Variants in MSH3 observed in about 807,000 individuals in gnomAD.
MSH3 encodes the protein mutS homolog 3.
Under a neutral mutation model 123.3 loss-of-function variants are expected in MSH3, and 106 were observed. The observed-to-expected ratio is 0.86, with a 90% CI of 0.73 to 1.01. The LOEUF (loss-of-function observed/expected upper bound fraction) is 1.01, where lower values mean the gene tolerates loss of function less well. Among genes scored for constraint, MSH3 ranks in the 50% least tolerant of loss-of-function variants. The pLI is 0.00. For synonymous variants in MSH3, 515 were observed against 481.4 expected, an observed-to-expected ratio of 1.07 and a Z score of -0.91; for missense variants, 1,459 against 1,347.6, an observed-to-expected ratio of 1.08 and a Z score of -1.29.
chr5:80,774,845 G>T (rs933159995), intron 15 of MSH3, among the ~76,000 whole-genome samples: 1 of 151,920 alleles, frequency 6.6e-6, no homozygotes, highest in Non-Finnish European at 1.5e-5. Context: ...GGGATGAGGG[G>T]ATGGTTAATG....
At chr5:80,663,504 C>G (rs1279964551) in intron 2 of MSH3, among the ~76,000 whole-genome samples, 1 of 150,824 alleles carries the variant, frequency 6.6e-6, no homozygotes, top group African/African-American at 2.4e-5. Context: ...TTTTTTTTTC[C>G]CAGCAAATAC....
At chr5:80,822,162 A>G (rs557559336) in intron 20 of MSH3, among the ~76,000 whole-genome samples, 99 of 152,326 alleles carry the variant, frequency 6.5e-4, no homozygotes, top group Admixed American at 1.4e-3. Context: ...GTTCTCCAGC[A>G]TCCTGGCCAT....
chr5:80,872,317 AT>A (rs1746227473), intron 22 of MSH3, among the ~76,000 whole-genome samples: 1 of 151,938 alleles, frequency 6.6e-6, no homozygotes, highest in Non-Finnish European at 1.5e-5. Flanking sequence ...CAAAAAAAAA[AT>A]TAGCTAGGTG....
intron 20 of MSH3, among the ~76,000 whole-genome samples, chr5:80,834,904 A>G (rs1745482848): frequency 6.6e-6 from 1 of 152,120 alleles, no homozygotes; most frequent in African/African-American, 2.4e-5. Flanking sequence ...AGAACACCTA[A>G]TAAGTATTTG....
At chr5:80,873,030 G>C in intron 22 of MSH3, 86 bp from the exon 23 acceptor site, 1 of 1,186,900 alleles carries the variant, frequency 8.4e-7, no homozygotes, top group African/African-American at 1.5e-5. Flanking sequence ...ATTTAATAAA[G>C]TTATGAGAAC....
At chr5:80,805,213 T>C (rs1744865934) in intron 19 of MSH3, among the ~76,000 whole-genome samples, 2 of 152,344 alleles carry the variant, frequency 1.3e-5, no homozygotes, top group African/African-American at 4.8e-5. Context: ...AGTGTCTGGC[T>C]CTCAAAGTTG....
chr5:80,848,167 C>T (rs1480406099), intron 20 of MSH3, among the ~76,000 whole-genome samples: 1 of 152,212 alleles, frequency 6.6e-6, no homozygotes, highest in East Asian at 1.9e-4. Flanking sequence ...AAGGTTGAGG[C>T]TGCAGTGAGC....
rs532544936 is a variant in MSH3, at chr5:80,701,794, C to T, written c.1340+22701C>T. Reference sequence around the variant, plus strand: ...GAAGGGAGACTTCTTACTAATTTCTCTTATTTTCCCTGCTTGCTTGCTTTG... The same window carrying T: ...GAAGGGAGACTTCTTACTAATTTCTTTTATTTTCCCTGCTTGCTTGCTTTG... On this transcript the variant is annotated intron_variant, in intron 8 of 23. Transcript: ENST00000265081. Among the ~76,000 whole-genome samples, 6 of 152,224 alleles carry T rather than the reference C, an allele frequency of 3.9e-5. No individual in the cohort carries two copies. In the South Asian group the frequency reaches 1.2e-3, roughly 32 times the overall value.
Position 80,839,874 on chromosome 5 carries a change from C to G in MSH3, c.2814-14256C>G, listed in dbSNP as rs6151908. Among the ~76,000 whole-genome samples, 631 of 152,260 alleles carry G rather than the reference C, an allele frequency of 4.1e-3. 3 individuals carry two copies. Among genetic ancestry groups the G allele is most frequent in the Non-Finnish European group, 6.4e-3 (436 of 68,016 alleles). On this transcript the variant is annotated intron_variant, in intron 20 of 23. Coordinates refer to ENST00000265081, the MANE Select transcript of MSH3 (RefSeq NM_002439.5). Reference sequence around the variant, plus strand: ...AACTAGGAGGATTCCCATTTCCTCCCAACCCCCTGCTACCCTCCCCAGCCC... The same window carrying G: ...AACTAGGAGGATTCCCATTTCCTCCGAACCCCCTGCTACCCTCCCCAGCCC...
At chr5:80,798,801 T>C (rs1475603637) in intron 19 of MSH3, among the ~76,000 whole-genome samples, 1 of 152,200 alleles carries the variant, frequency 6.6e-6, no homozygotes, top group African/African-American at 2.4e-5. Flanking sequence ...CTGCCCAGAA[T>C]GGCCCTCCCC....
At chr5:80,679,148 C>G (rs946528251) in intron 8 of MSH3, 55 bp downstream of exon 8, 9 of 1,542,398 alleles carry the variant, frequency 5.8e-6, no homozygotes, top group Non-Finnish European at 7.2e-6. Flanking sequence ...AGGTTTAGTT[C>G]CAAAACTGAT....
chr5:80,680,898 T>G (rs968928539), intron 8 of MSH3, among the ~76,000 whole-genome samples: 1 of 152,158 alleles, frequency 6.6e-6, no homozygotes, highest in South Asian at 2.1e-4. Flanking sequence ...TATTCATTTT[T>G]CCAGTATTAT....
At chr5:80,863,117 C>A (rs1039904145) in intron 21 of MSH3, among the ~76,000 whole-genome samples, 10 of 152,208 alleles carry the variant, frequency 6.6e-5, no homozygotes, top group Non-Finnish European at 1.2e-4. Flanking sequence ...TTATGTAAAA[C>A]TGATATCACG....
chr5:80,663,605 G>A (rs1008283113), intron 2 of MSH3, among the ~76,000 whole-genome samples: 1 of 151,120 alleles, frequency 6.6e-6, no homozygotes, highest in African/African-American at 2.4e-5. Flanking sequence ...CACACTTATA[G>A]TATATTTTTG....
In MSH3 at chr5:80,656,548, T is replaced by G; in HGVS notation, c.358+17T>G. 2 of 1,613,908 alleles carry G rather than the reference T, an allele frequency of 1.2e-6. No individual in the cohort carries two copies. Among genetic ancestry groups the G allele is most frequent in the Non-Finnish European group, 1.7e-6 (2 of 1,179,882 alleles). On this transcript the variant is annotated intron_variant, in intron 2 of 23. Coordinates refer to ENST00000265081, the MANE Select transcript of MSH3 (RefSeq NM_002439.5). ...GCAACTCTGGTGAGTTGTGGGGGAT[T>G]CTTTTTTCTCCTCAGTCATGGCTCT...
intron 12 of MSH3, among the ~76,000 whole-genome samples, chr5:80,748,691 TACACACACACAC>T (rs36206914): frequency 0.32 from 46,598 of 147,230 alleles, 7,973 homozygotes; most frequent in South Asian, 0.44. Context: ...ATTTTTTATT[TACACACACACAC>T]ACACACACAC....
intron 9 of MSH3, among the ~76,000 whole-genome samples, chr5:80,725,824 G>A (rs367719120): frequency 6.6e-6 from 1 of 152,068 alleles, no homozygotes; most frequent in Non-Finnish European, 1.5e-5. Context: ...CAGTCCAGCC[G>A]GGGCAACAAA....
chr5:80,742,608 C>T (rs1743636978), intron 11 of MSH3, among the ~76,000 whole-genome samples: 1 of 152,174 alleles, frequency 6.6e-6, no homozygotes, highest in Admixed American at 6.5e-5. Flanking sequence ...ACTCCTGAAT[C>T]TGCATATTAT....
intron 13 of MSH3, among the ~76,000 whole-genome samples, chr5:80,765,391 G>A (rs566576525): frequency 6.6e-6 from 1 of 152,130 alleles, no homozygotes; most frequent in Non-Finnish European, 1.5e-5. Flanking sequence ...TCCTGTATAG[G>A]GTGGGGAGGG....
Sources: allele counts gnomAD v4.1 joint callset (sites outside exome capture counted in the v4.1 genomes callset), GRCh38; gene constraint gnomAD v4.1.1; transcripts MANE v1.5; gene names NCBI Gene and HGNC (gene_info 2026-07-23, HGNC 2026-07-21).